Variants in CCAR1 observed in about 807,000 individuals in gnomAD.
CCAR1 encodes the protein cell division cycle and apoptosis regulator 1.
Under a neutral mutation model 163.8 loss-of-function variants are expected in CCAR1, and 78 were observed. That is an observed-to-expected ratio of 0.48 (90% confidence interval 0.40 to 0.57). CCAR1 has a LOEUF of 0.57. CCAR1 is among the 20% of genes least tolerant of loss of function. The probability of loss-of-function intolerance (pLI) is 0.00; values close to 1 mark genes in which losing one functional copy is unlikely to be tolerated. For missense variants in CCAR1, 1,019 were observed against 1,365.2 expected (o/e 0.75, Z 4.00); for synonymous variants, 443 against 460.7 (o/e 0.96, Z 0.49).
intron 21 of CCAR1, 93 bp downstream of exon 21, chr10:68,786,785 A>G: frequency 8.6e-7 from 1 of 1,164,042 alleles, no homozygotes; most frequent in South Asian, 1.4e-5. Context: ...ACTTTTTGAT[A>G]TATTAAAGCA....
chr10:68,749,611 A>T lies in CCAR1; in HGVS notation c.1044A>T (p.Arg348=). Reference sequence around the variant, plus strand: ...GGGAAAGATCTCCACGAAGAGAGCGAGAGCGATCACCTCGGAGAGTTCGAC... The same window carrying T: ...GGGAAAGATCTCCACGAAGAGAGCGTGAGCGATCACCTCGGAGAGTTCGAC... ...RSRERSPRRE[R]ERSPRRVRRV... The change falls in exon 10 of 25, where the codon CGA becomes CGT. Residue 348 remains arginine, a synonymous_variant. Coordinates refer to ENST00000265872, the MANE Select transcript of CCAR1 (RefSeq NM_018237.4). 1 of 1,614,096 alleles carries T rather than the reference A, an allele frequency of 6.2e-7. No individual in the cohort carries two copies.
intron 23 of CCAR1, among the ~76,000 whole-genome samples, chr10:68,788,915 CT>C (rs796500120): frequency 1.2e-3 from 180 of 144,944 alleles, no homozygotes; most frequent in Non-Finnish European, 1.2e-3. Context: ...TCTGGTTCCA[CT>C]TTTTTTTTTT....
intron 7 of CCAR1, 25 bp from the exon 8 acceptor site, chr10:68,747,349 T>C: frequency 6.2e-7 from 1 of 1,603,788 alleles, no homozygotes; most frequent in Non-Finnish European, 8.5e-7. Context: ...ATTTTTTTTC[T>C]TATTCTTTCA....
Position 68,728,958 on chromosome 10 carries a change from A to G in CCAR1, c.73+6381A>G, listed in dbSNP as rs537027918. On this transcript the variant is annotated intron_variant, in intron 2 of 24. Transcript: ENST00000265872. The stretch of plus-strand genomic sequence containing the variant: ...TAGAGCTGGACTCCGTCCCAGAAAA[A>G]AAAAAAAAAGCCCTGTCCAATAAGT... 7.9e-5 allele frequency among the ~76,000 whole-genome samples: 12 copies of G among 152,266 alleles called. 1 individual carries two copies. In the East Asian group the frequency reaches 2.3e-3, roughly 29 times the overall value.
chr10:68,775,885 C>T (rs954046494), intron 19 of CCAR1, among the ~76,000 whole-genome samples: 1 of 151,612 alleles, frequency 6.6e-6, no homozygotes, highest in Admixed American at 6.6e-5. Flanking sequence ...ATGGTAGAGA[C>T]GGAGTTTTAC....
In CCAR1 at chr10:68,754,768, C is replaced by G. The variant is rs2056378565; in HGVS notation, c.1399C>G (p.Leu467Val). 7 of 1,612,698 alleles carry G rather than the reference C, an allele frequency of 4.3e-6. No homozygotes were observed. The highest frequency in any genetic ancestry group is 5.9e-6 in the Non-Finnish European group (7 of 1,178,820). Residue 467 changes from leucine (L) to valine (V), a missense_variant, in exon 12 of 25, where the codon CTT becomes GTT. Transcript: ENST00000265872. ...MEDLYHKSCALAEDPQELRDG... is the reference protein window; with the variant it reads ...MEDLYHKSCAVAEDPQELRDG... ...AGATTTATATCATAAGTCATGTGCT[C>G]TTGCTGAGGACCCACAAGAACTTCG...
Position 68,777,068 on chromosome 10 carries a change from C to T in CCAR1, c.2650+3969C>T, listed in dbSNP as rs1029977970. ...CTTTCCAGTTGTTGAGACTAAAACC[C>T]AGGAGTCATCCTTGATTCCTTTCTT... On this transcript the variant is annotated intron_variant, in intron 19 of 24. Coordinates refer to ENST00000265872, the MANE Select transcript of CCAR1 (RefSeq NM_018237.4). Among the ~76,000 whole-genome samples the T allele has an allele frequency of 3.3e-5, 5 of 152,140 alleles. No individual in the cohort carries two copies. In the South Asian group the frequency reaches 8.3e-4, roughly 25 times the overall value.
intron 19 of CCAR1, among the ~76,000 whole-genome samples, chr10:68,774,745 A>G (rs1472420632): frequency 6.6e-6 from 1 of 152,164 alleles, no homozygotes; most frequent in Non-Finnish European, 1.5e-5. Flanking sequence ...CCTTTCGCCT[A>G]AGTTTTATAA....
At position 68,747,288 on chromosome 10, in the gene CCAR1, T is replaced by C; in HGVS notation, c.633+13T>C. 6.3e-7 allele frequency: 1 copy of C among 1,582,842 alleles called. No individual in the cohort carries two copies. Among genetic ancestry groups the C allele is most frequent in the Non-Finnish European group, 8.6e-7 (1 of 1,156,784 alleles). ...ACTACCAAATCAGGTACAGAAAGTA[T>C]TGAGTTAGGTATTATAGAAGCTTGG... On this transcript the variant is annotated intron_variant, in intron 7 of 24. Transcript: ENST00000265872.
rs2056602533 is a variant in CCAR1 at position 68,771,561 on chromosome 10, A to G, written c.2538+116A>G. On this transcript the variant is annotated intron_variant, in intron 18 of 24. Coordinates refer to ENST00000265872, the MANE Select transcript of CCAR1 (RefSeq NM_018237.4). ...AAGCCAAACTGAAAGATTTTACTAT[A>G]TTAGAAAATCAAGTCTTTGAGACCA... is the stretch of plus-strand genomic sequence containing the variant. 9 of 971,062 alleles carry G rather than the reference A, an allele frequency of 9.3e-6. No homozygotes were observed. In the East Asian group the frequency reaches 2.2e-4, roughly 24 times the overall value. The allele number at this position is 971,062 out of a possible 1,614,324, so 60.2% of individuals were successfully genotyped here. A position where few individuals can be genotyped will look rare whatever the true frequency, so the allele number is the denominator to read the frequency against.
At chr10:68,781,648 G>A (rs894603581) in intron 19 of CCAR1, among the ~76,000 whole-genome samples, 3 of 151,992 alleles carry the variant, frequency 2.0e-5, no homozygotes, top group Non-Finnish European at 4.4e-5. Flanking sequence ...TTGAGGCTAG[G>A]AGTAAAGACC....
intron 2 of CCAR1, among the ~76,000 whole-genome samples, chr10:68,728,085 C>T (rs2055974563): frequency 6.6e-6 from 1 of 152,160 alleles, no homozygotes; most frequent in African/African-American, 2.4e-5. Flanking sequence ...AATCCATCCG[C>T]CTTGGCCTCC....
intron 11 of CCAR1, among the ~76,000 whole-genome samples, chr10:68,754,404 T>C (rs1195429056): frequency 1.3e-5 from 2 of 152,220 alleles, no homozygotes; most frequent in African/African-American, 2.4e-5. Flanking sequence ...TAAATGTCAA[T>C]CTTAAGGGAA....
In CCAR1 at chr10:68,765,964, C is replaced by G; in HGVS notation, c.2183C>G (p.Ala728Gly). Residue 728 changes from alanine (A) to glycine (G), a missense_variant, in exon 17 of 25, where the codon GCC becomes GGC. Around this residue, in one of 4 missense-constraint regions of CCAR1, gnomAD observed 644 missense variants for 904.4 expected, o/e 0.71. Transcript: ENST00000265872. ...AGATATATTTTGCCTGATGAACCGG[C>G]CATCATTGTACATCCAAATTGGGCT... is the stretch of plus-strand genomic sequence containing the variant. ...ERRYILPDEP[A>G]IIVHPNWAAK... is the part of the protein sequence containing the mutation. 1 of 1,613,938 alleles carries G rather than the reference C, an allele frequency of 6.2e-7. No individual in the cohort carries two copies.
intron 6 of CCAR1, among the ~76,000 whole-genome samples, chr10:68,745,051 G>GCAA (rs2056234396): frequency 6.6e-6 from 1 of 152,108 alleles, no homozygotes; most frequent in East Asian, 1.9e-4. Flanking sequence ...TGTTGCCCAG[G>GCAA]CAAGAGTGCA....
chr10:68,790,552 G>A (rs1212335147), intron 24 of CCAR1, among the ~76,000 whole-genome samples: 1 of 151,816 alleles, frequency 6.6e-6, no homozygotes, highest in African/African-American at 2.4e-5. Flanking sequence ...TTTTGAGACA[G>A]GGTCTTGCAC....
At chr10:68,781,559 G>A (rs977707580) in intron 19 of CCAR1, among the ~76,000 whole-genome samples, 4 of 150,054 alleles carry the variant, frequency 2.7e-5, no homozygotes, top group Admixed American at 2.0e-4. Context: ...AAGAAATTAG[G>A]CCAATTAATA....
intron 6 of CCAR1, among the ~76,000 whole-genome samples, chr10:68,744,315 C>T (rs1051695133): frequency 5.3e-5 from 8 of 152,228 alleles, no homozygotes; most frequent in East Asian, 3.9e-4. Context: ...TGTCTAATGA[C>T]GTAGCATAGA....
intron 16 of CCAR1, among the ~76,000 whole-genome samples, chr10:68,762,766 AT>A (rs1436078700): frequency 1.3e-5 from 2 of 151,972 alleles, no homozygotes; most frequent in African/African-American, 4.8e-5. Context: ...TTTTTTTTAA[AT>A]TTTTTTAGAA....
Sources: gnomAD v4.1 joint callset for allele counts (sites outside exome capture counted in the v4.1 genomes callset) on GRCh38, gnomAD v4.1.1 for gene constraint, gnomAD v4.1.1 regional missense constraint, MANE v1.5 for transcripts, NCBI Gene and HGNC (gene_info 2026-07-23, HGNC 2026-07-21) for gene names.